ASTN2: variants seen among roughly 807,000 people sequenced by gnomAD.
ASTN2 encodes astrotactin-2.
ASTN2 carries 54 observed loss-of-function variants against 139.8 expected under a neutral mutation model. That is an observed-to-expected ratio of 0.39 (90% CI 0.31 to 0.48). The LOEUF is 0.48. Among genes scored for constraint, ASTN2 ranks in the 20% least tolerant of loss-of-function variants. ASTN2 has a pLI of 0.95. For missense variants in ASTN2, 1,565 were observed against 1,725.1 expected, an observed-to-expected ratio of 0.91 and a Z score of 1.64; for synonymous variants, 756 against 719.5, an observed-to-expected ratio of 1.05 and a Z score of -0.81.
chr9:116,761,159 T>C (rs971533933), intron 13 of ASTN2, among the ~76,000 whole-genome samples: 2 of 152,202 alleles, frequency 1.3e-5, no homozygotes, highest in African/African-American at 2.4e-5. Flanking sequence ...CACCTGCACC[T>C]GCATCGATCC....
intron 1 of ASTN2, among the ~76,000 whole-genome samples, chr9:117,337,463 T>G (rs1341523175): frequency 6.6e-6 from 1 of 152,222 alleles, no homozygotes; most frequent in Non-Finnish European, 1.5e-5. Flanking sequence ...TATGTGATTA[T>G]GCCTGGCATT....
chr9:116,969,570 A>G (rs967923413), intron 10 of ASTN2, among the ~76,000 whole-genome samples: 1 of 152,176 alleles, frequency 6.6e-6, no homozygotes, highest in South Asian at 2.1e-4. Context: ...AGAGTGCACC[A>G]GAGAAACACA....
chr9:117,396,362 C>T (rs1053447860), intron 1 of ASTN2, among the ~76,000 whole-genome samples: 1 of 152,304 alleles, frequency 6.6e-6, no homozygotes, highest in Non-Finnish European at 1.5e-5. Flanking sequence ...TGAATGCTTA[C>T]ACTGCTAAAG....
chr9:116,779,333 A>C (rs1482649737), intron 13 of ASTN2, among the ~76,000 whole-genome samples: 1 of 152,130 alleles, frequency 6.6e-6, no homozygotes, highest in Non-Finnish European at 1.5e-5. Flanking sequence ...AGGTGAGGAC[A>C]CAGCATCCCT....
intron 10 of ASTN2, among the ~76,000 whole-genome samples, chr9:116,914,356 CT>C (rs924347972): frequency 6.6e-6 from 1 of 152,020 alleles, no homozygotes; most frequent in Admixed American, 6.6e-5. Context: ...ACTTCAGTGG[CT>C]TGAAGGACAA....
intron 19 of ASTN2, among the ~76,000 whole-genome samples, chr9:116,587,021 T>C (rs1009846900): frequency 6.6e-6 from 1 of 152,162 alleles, no homozygotes; most frequent in African/African-American, 2.4e-5. Context: ...TCTGGAGAAA[T>C]CTGCTTTCCT....
chr9:117,246,128 T>A (rs752832414), intron 2 of ASTN2, among the ~76,000 whole-genome samples: 3 of 147,146 alleles, frequency 2.0e-5, no homozygotes, highest in African/African-American at 5.0e-5. Context: ...GCAAAAGGAA[T>A]CTGGAATTGA....
chr9:116,743,148 G>C (rs62574255), intron 13 of ASTN2, among the ~76,000 whole-genome samples: 34 of 152,294 alleles, frequency 2.2e-4, no homozygotes, highest in African/African-American at 3.6e-4. Flanking sequence ...AAGGGGGAGA[G>C]GCAAGGCTGG....
In ASTN2 at chr9:116,805,832, A is replaced by G; in HGVS notation, c.2208-12T>C. On this transcript the variant is annotated splice_polypyrimidine_tract_variant and intron_variant, in intron 12 of 22. Coordinates refer to ENST00000313400, the MANE Select transcript of ASTN2 (RefSeq NM_001365068.1). Reference sequence around the variant, plus strand: ...ACTCCTCCACGCAACTGTATGATAAAACAGAGCTCAGAATTAGCTTCACAT... The same window carrying G: ...ACTCCTCCACGCAACTGTATGATAAGACAGAGCTCAGAATTAGCTTCACAT... The G allele has an allele frequency of 6.2e-7, 1 of 1,611,564 alleles. No homozygotes were observed. Among genetic ancestry groups the G allele is most frequent in the Non-Finnish European group, 8.5e-7 (1 of 1,178,478 alleles).
chr9:117,262,053 C>T (rs1320689151), intron 2 of ASTN2, among the ~76,000 whole-genome samples: 1 of 152,126 alleles, frequency 6.6e-6, no homozygotes, highest in Admixed American at 6.6e-5. Flanking sequence ...CTAATGGCCT[C>T]TATCATTTAG....
At chr9:116,537,292 T>C (rs1450244294) in intron 19 of ASTN2, among the ~76,000 whole-genome samples, 1 of 152,234 alleles carries the variant, frequency 6.6e-6, no homozygotes, top group African/African-American at 2.4e-5. Flanking sequence ...CAAATTTCTA[T>C]AATTTTTTTC....
At position 116,515,528 on chromosome 9, in the gene ASTN2, T is replaced by C. The variant is rs185497571; in HGVS notation, c.3356-28028A>G. ...GCTACTGTCCTGAGGAAGGAGCCAA[T>C]AGATGGTTGGAGGCAGAAACAAGGG... is the stretch of plus-strand genomic sequence containing the variant. On this transcript the variant is annotated intron_variant, in intron 19 of 22. Coordinates refer to ENST00000313400, the MANE Select transcript of ASTN2 (RefSeq NM_001365068.1). 3.1e-3 allele frequency among the ~76,000 whole-genome samples: 474 copies of C among 152,246 alleles called. 5 individuals are homozygous for C. The highest frequency in any genetic ancestry group is 0.017 in the Middle Eastern group (5 of 294).
intron 1 of ASTN2, among the ~76,000 whole-genome samples, chr9:117,366,290 A>T (rs147316298): frequency 6.6e-6 from 1 of 152,270 alleles, no homozygotes; most frequent in South Asian, 2.1e-4. Flanking sequence ...AATATTAATA[A>T]TTTAATAAGT....
At chr9:117,279,052 T>C (rs1415857754) in intron 2 of ASTN2, among the ~76,000 whole-genome samples, 3 of 152,234 alleles carry the variant, frequency 2.0e-5, no homozygotes, top group African/African-American at 7.2e-5. Flanking sequence ...AACGCTTTTG[T>C]TTTTTGAGAA....
intron 19 of ASTN2, among the ~76,000 whole-genome samples, chr9:116,499,275 G>A (rs1849775312): frequency 6.6e-6 from 1 of 152,180 alleles, no homozygotes; most frequent in Non-Finnish European, 1.5e-5. Flanking sequence ...GTCTAGCAGA[G>A]TGTGGGGGGC....
At chr9:116,514,506 G>T (rs1850551058) in intron 19 of ASTN2, among the ~76,000 whole-genome samples, 1 of 152,154 alleles carries the variant, frequency 6.6e-6, no homozygotes, top group African/African-American at 2.4e-5. Context: ...ACTCTTTGCT[G>T]GGAGAACCAC....
chr9:116,725,898 C>T lies in ASTN2; in HGVS notation c.2679G>A (p.Leu893=), dbSNP rs764061572. 1.1e-5 allele frequency: 18 copies of T among 1,613,874 alleles called. No homozygotes were observed. The highest frequency in any genetic ancestry group is 1.4e-5 in the Non-Finnish European group (16 of 1,180,014). The change falls in exon 16 of 23, where the codon CTG becomes CTA. Residue 893 remains leucine, a synonymous_variant. Transcript: ENST00000313400. ...AGCCATAGTGCTGGATGAAGGACAGCAGCTCCTCCCGACTGCTCTCCTTGG... is the reference window on the plus strand; with the variant it reads ...AGCCATAGTGCTGGATGAAGGACAGTAGCTCCTCCCGACTGCTCTCCTTGG... ...ILTKESSREE[L]LSFIQHYGSH...
chr9:116,592,652 T>C (rs114305543), intron 19 of ASTN2, among the ~76,000 whole-genome samples: 287 of 152,338 alleles, frequency 1.9e-3, no homozygotes, highest in African/African-American at 6.7e-3. Context: ...CATTCATGAA[T>C]GCAAAACTCA....
chr9:116,694,762 C>T (rs945727074), intron 16 of ASTN2, among the ~76,000 whole-genome samples: 4 of 151,850 alleles, frequency 2.6e-5, no homozygotes, highest in African/African-American at 9.7e-5. Context: ...TGAGCCACCA[C>T]GCCTGGCCCT....
Sources: allele counts gnomAD v4.1 joint callset (sites outside exome capture counted in the v4.1 genomes callset), GRCh38; gene constraint gnomAD v4.1.1; transcripts MANE v1.5; gene names NCBI Gene and HGNC (gene_info 2026-07-23, HGNC 2026-07-21).